Variants in PRORP observed in about 807,000 individuals in gnomAD.
PRORP encodes protein only RNase P catalytic subunit, also known as mitochondrial ribonuclease P catalytic subunit.
A neutral mutation model predicts 59.4 loss-of-function variants in PRORP; 51 were observed. The ratio of observed to expected loss-of-function variants is 0.86; its 90% CI spans 0.69 to 1.08. PRORP has a LOEUF of 1.08. PRORP is among the 50% of genes least tolerant of loss of function. The pLI is 0.00. For missense variants in PRORP, 646 were observed against 690.3 expected, an observed-to-expected ratio of 0.94 and a Z score of 0.72; for synonymous variants, 231 against 245.6, an observed-to-expected ratio of 0.94 and a Z score of 0.55.
At chr14:35,223,989 T>C (rs989293261) in intron 5 of PRORP, among the ~76,000 whole-genome samples, 1 of 152,224 alleles carries the variant, frequency 6.6e-6, no homozygotes, top group African/African-American at 2.4e-5. Flanking sequence ...CATCACTGGC[T>C]TTAATGCTGT....
At chr14:35,211,408 A>G (rs1478359388) in intron 5 of PRORP, among the ~76,000 whole-genome samples, 3 of 152,210 alleles carry the variant, frequency 2.0e-5, no homozygotes, top group African/African-American at 7.2e-5. Flanking sequence ...TGCCTTGTGT[A>G]TAATGGCTGC....
At chr14:35,177,319 T>A (rs563286533) in intron 4 of PRORP, among the ~76,000 whole-genome samples, 1 of 152,228 alleles carries the variant, frequency 6.6e-6, no homozygotes, top group African/African-American at 2.4e-5. Flanking sequence ...GAAGGAATGG[T>A]ACCAGCTCCT....
chr14:35,238,928 G>GA (rs2050289022), intron 5 of PRORP, among the ~76,000 whole-genome samples: 1 of 152,098 alleles, frequency 6.6e-6, no homozygotes, highest in Admixed American at 6.5e-5. Flanking sequence ...ACAGCTTATA[G>GA]AGTCCTTTCA....
intron 4 of PRORP, among the ~76,000 whole-genome samples, chr14:35,149,003 C>G (rs2047677884): frequency 6.9e-6 from 1 of 145,340 alleles, no homozygotes; most frequent in South Asian, 2.2e-4. Flanking sequence ...ACTGCAAGCT[C>G]CGCCTCCCAG....
chr14:35,122,688 T>C (rs72664837), intron 1 of PRORP, 53 bp downstream of exon 1: 2,810 of 156,186 alleles, frequency 0.018, 37 homozygotes, highest in Middle Eastern at 0.044. Context: ...TCCTGAGTCG[T>C]TGGCGCAGCT....
Position 35,204,089 on chromosome 14 carries a change from A to G in PRORP, c.1275+23312A>G, listed in dbSNP as rs193182357. Reference sequence around the variant, plus strand: ...TCCTTTAATCTGGCAACCACAAAAAACTTCCTGTGGAGGAACACTTTGTAT... The same window carrying G: ...TCCTTTAATCTGGCAACCACAAAAAGCTTCCTGTGGAGGAACACTTTGTAT... On this transcript the variant is annotated intron_variant, in intron 5 of 7. Coordinates refer to ENST00000534898, the MANE Select transcript of PRORP (RefSeq NM_014672.4). Among the ~76,000 whole-genome samples the G allele has an allele frequency of 1.0e-3, 156 of 152,238 alleles. No individual in the cohort carries two copies. The Middle Eastern group carries it at 0.024, about 23-fold the overall frequency.
At chr14:35,238,269 G>A (rs1041687653) in intron 5 of PRORP, among the ~76,000 whole-genome samples, 2 of 152,104 alleles carry the variant, frequency 1.3e-5, no homozygotes, top group African/African-American at 2.4e-5. Flanking sequence ...TTACCGTGCC[G>A]CACTATCATG....
chr14:35,186,893 C>T (rs1442337986), intron 5 of PRORP, among the ~76,000 whole-genome samples: 1 of 152,048 alleles, frequency 6.6e-6, no homozygotes, highest in African/African-American at 2.4e-5. Context: ...GTCTGGCCTT[C>T]TTTCTATCTT....
rs549532217 is a variant in PRORP at position 35,239,284 on chromosome 14, G to C, written c.1276-27443G>C. Reference sequence around the variant, plus strand: ...GAGGCAGGAAAACCCAGAGGCGGAGGTTGCAATGAGCCAAGATTGCAACAC... The same window carrying C: ...GAGGCAGGAAAACCCAGAGGCGGAGCTTGCAATGAGCCAAGATTGCAACAC... On this transcript the variant is annotated intron_variant, in intron 5 of 7. Coordinates refer to ENST00000534898, the MANE Select transcript of PRORP (RefSeq NM_014672.4). Among the ~76,000 whole-genome samples the C allele has an allele frequency of 2.6e-5, 4 of 151,114 alleles. No individual in the cohort carries two copies. In the East Asian group the frequency reaches 7.8e-4, roughly 30 times the overall value.
intron 5 of PRORP, among the ~76,000 whole-genome samples, chr14:35,231,452 G>A (rs2050079222): frequency 6.6e-6 from 1 of 152,050 alleles, no homozygotes; most frequent in African/African-American, 2.4e-5. Context: ...TTTATGTACA[G>A]CAAAGAGCTA....
intron 4 of PRORP, among the ~76,000 whole-genome samples, chr14:35,162,820 A>G (rs535941057): frequency 6.6e-6 from 1 of 152,218 alleles, no homozygotes; most frequent in Non-Finnish European, 1.5e-5. Context: ...GATGTGAGGT[A>G]TAGTTCCAAC....
At chr14:35,181,496 G>A (rs1261215705) in intron 5 of PRORP, among the ~76,000 whole-genome samples, 1 of 152,038 alleles carries the variant, frequency 6.6e-6, no homozygotes, top group Non-Finnish European at 1.5e-5. Flanking sequence ...AAAAATTGCT[G>A]CCGCTGGCTG....
chr14:35,133,873 G>A (rs12879140), intron 4 of PRORP, among the ~76,000 whole-genome samples: 122,280 of 152,214 alleles, frequency 0.8, 49,794 homozygotes, highest in East Asian at 0.94. Flanking sequence ...AGCTGAGGAC[G>A]TAGTCACACA....
intron 4 of PRORP, among the ~76,000 whole-genome samples, chr14:35,136,436 G>A (rs1320064910): frequency 0.064 from 8,387 of 130,284 alleles, 583 homozygotes; most frequent in East Asian, 0.2. Flanking sequence ...GTGCAATGGC[G>A]CAATCTCTGC....
At chr14:35,200,033 C>G (rs941391031) in intron 5 of PRORP, among the ~76,000 whole-genome samples, 1 of 152,036 alleles carries the variant, frequency 6.6e-6, no homozygotes, top group Non-Finnish European at 1.5e-5. Context: ...ATGGAAACAG[C>G]CATTCGTCTT....
At chr14:35,270,701 A>C in intron 7 of PRORP, 105 bp downstream of exon 7, 1 of 1,070,150 alleles carries the variant, frequency 9.3e-7, no homozygotes, top group South Asian at 1.6e-5. Context: ...CAAATGCTTT[A>C]TTTTTCTCAG....
chr14:35,190,766 G>C (rs1385353510), intron 5 of PRORP, among the ~76,000 whole-genome samples: 1 of 152,078 alleles, frequency 6.6e-6, no homozygotes, highest in Admixed American at 6.6e-5. Flanking sequence ...GCCTCCCTAA[G>C]TGCTGGGATT....
chr14:35,241,213 A>T (rs922019921), intron 5 of PRORP, among the ~76,000 whole-genome samples: 11 of 152,134 alleles, frequency 7.2e-5, no homozygotes, highest in African/African-American at 2.7e-4. Flanking sequence ...CCCTGTCTCT[A>T]CTAAAAATAC....
At chr14:35,136,231 T>A (rs2047369132) in intron 4 of PRORP, among the ~76,000 whole-genome samples, 1 of 152,192 alleles carries the variant, frequency 6.6e-6, no homozygotes, top group Admixed American at 6.5e-5. Flanking sequence ...GACAGGATGA[T>A]GTTCAGGTTT....
Sources: allele counts gnomAD v4.1 joint callset (sites outside exome capture counted in the v4.1 genomes callset), GRCh38; gene constraint gnomAD v4.1.1; transcripts MANE v1.5; gene names NCBI Gene and HGNC (gene_info 2026-07-23, HGNC 2026-07-21).